Variants in CUX1 observed in about 807,000 individuals in gnomAD.
CUX1 encodes the protein cut like homeobox 1.
Under a neutral mutation model 158.8 loss-of-function variants are expected in CUX1, and 31 were observed. The ratio of observed to expected loss-of-function variants is 0.20; its 90% CI spans 0.15 to 0.26. The LOEUF is 0.26. Among genes scored for constraint, CUX1 ranks in the 10% least tolerant of loss-of-function variants. CUX1 has a pLI of 1.00. For missense variants in CUX1, 1,589 were observed against 2,014.6 expected (o/e 0.79, Z 4.04); for synonymous variants, 879 against 862.1 (o/e 1.02, Z -0.34).
chr7:102,117,380 A>AGAGC (rs1405367445), intron 8 of CUX1, among the ~76,000 whole-genome samples: 1 of 129,968 alleles, frequency 7.7e-6, no homozygotes, highest in African/African-American at 3.0e-5. Context: ...CCTGGGCTAC[A>AGAGC]GAGCCAGACT....
chr7:102,097,715 T>C (rs572081545), intron 5 of CUX1, among the ~76,000 whole-genome samples: 1 of 148,886 alleles, frequency 6.7e-6, no homozygotes, highest in African/African-American at 2.5e-5. Flanking sequence ...AACAACGACG[T>C]AAGATTTTAT....
rs148183153 is a variant in CUX1 at position 102,239,346 on chromosome 7, G to A, written c.3649G>A (p.Val1217Ile). The A allele has an allele frequency of 6.5e-5, 105 of 1,610,728 alleles. No homozygotes were observed. In the African/African-American group the frequency reaches 1.2e-3, roughly 18 times the overall value. Residue 1217 changes from valine (V) to isoleucine (I), a missense_variant, in exon 23 of 24, where the codon GTC becomes ATC. By Grantham distance (29) the Val-to-Ile change is conservative (BLOSUM62 3). Around this residue, in one of 8 missense-constraint regions of CUX1, gnomAD observed 259 missense variants for 373.8 expected, o/e 0.69. Coordinates refer to ENST00000292535, the MANE Select transcript of CUX1 (RefSeq NM_181552.4). ...CTACATGAAGCGGCGGCACAGCTCAGTCAGTGACAGCCAGCCCTGCGAACC... is the reference window on the plus strand; with the variant it reads ...CTACATGAAGCGGCGGCACAGCTCAATCAGTGACAGCCAGCCCTGCGAACC... Reference protein sequence around the residue: ...KAYMKRRHSSVSDSQPCEPPS... With the variant: ...KAYMKRRHSSISDSQPCEPPS...
chr7:101,944,538 C>G (rs1808139817), intron 2 of CUX1, among the ~76,000 whole-genome samples: 1 of 152,222 alleles, frequency 6.6e-6, no homozygotes, highest in East Asian at 1.9e-4. Context: ...CCTTCTGCCC[C>G]TCTCACTTCA....
At chr7:102,034,062 C>T (rs906869397) in intron 3 of CUX1, among the ~76,000 whole-genome samples, 1 of 143,832 alleles carries the variant, frequency 7.0e-6, no homozygotes, top group African/African-American at 2.6e-5. Flanking sequence ...AGGAGAATCG[C>T]TTAAACCCAG....
intron 3 of CUX1, among the ~76,000 whole-genome samples, chr7:102,028,591 C>A (rs1409846436): frequency 6.6e-6 from 1 of 152,180 alleles, no homozygotes; most frequent in African/African-American, 2.4e-5. Context: ...GCTTGAAACA[C>A]AGAGCATCTA....
At chr7:102,095,467 T>C (rs1480552538) in intron 4 of CUX1, among the ~76,000 whole-genome samples, 1 of 152,180 alleles carries the variant, frequency 6.6e-6, no homozygotes, top group Non-Finnish European at 1.5e-5. Flanking sequence ...ATGGACTGTG[T>C]TGCTGTGAAA....
At chr7:102,076,457 C>A (rs1339858148) in intron 4 of CUX1, among the ~76,000 whole-genome samples, 2 of 152,098 alleles carry the variant, frequency 1.3e-5, no homozygotes, top group African/African-American at 4.8e-5. Context: ...CCCTCATGGT[C>A]CTCATGTACC....
At chr7:101,856,005 A>C (rs1003376074) in intron 1 of CUX1, among the ~76,000 whole-genome samples, 1 of 151,806 alleles carries the variant, frequency 6.6e-6, no homozygotes, top group Admixed American at 6.6e-5. Flanking sequence ...CATAGCAAGA[A>C]CCCGTCTGTA....
intron 20 of CUX1, among the ~76,000 whole-genome samples, chr7:102,218,017 T>C (rs377559436): frequency 6.6e-6 from 1 of 152,316 alleles, no homozygotes. Context: ...GAGGAGCTCA[T>C]GGTTGACTTC....
At chr7:102,203,544 G>T (rs1317996335) in intron 18 of CUX1, among the ~76,000 whole-genome samples, 1 of 152,222 alleles carries the variant, frequency 6.6e-6, no homozygotes, top group East Asian at 1.9e-4. Flanking sequence ...CTAGTTCAGT[G>T]TTGTAAAAAT....
intron 2 of CUX1, among the ~76,000 whole-genome samples, chr7:101,990,417 C>G (rs554252663): frequency 6.6e-6 from 1 of 151,670 alleles, no homozygotes; most frequent in Admixed American, 6.6e-5. Context: ...TGGAATCTCA[C>G]CCAGGCTGGA....
At chr7:102,034,077 C>T (rs1419411700) in intron 3 of CUX1, among the ~76,000 whole-genome samples, 4 of 122,736 alleles carry the variant, frequency 3.3e-5, no homozygotes, top group South Asian at 5.6e-4. Context: ...ACCCAGCAGG[C>T]GGAGGTTGCG....
At chr7:102,149,962 C>T (rs543692852) in intron 8 of CUX1, among the ~76,000 whole-genome samples, 2 of 152,272 alleles carry the variant, frequency 1.3e-5, no homozygotes, top group South Asian at 4.1e-4. Context: ...TGAAAAATGT[C>T]CCCCCTTAAG....
chr7:101,975,711 G>A (rs547280974), intron 2 of CUX1, among the ~76,000 whole-genome samples: 76 of 152,230 alleles, frequency 5.0e-4, no homozygotes, highest in East Asian at 1.5e-3. Flanking sequence ...CTCAAAACTC[G>A]TCCATCAACA....
intron 3 of CUX1, among the ~76,000 whole-genome samples, chr7:102,059,363 G>A (rs1398339157): frequency 6.6e-6 from 1 of 152,164 alleles, no homozygotes; most frequent in Non-Finnish European, 1.5e-5. Flanking sequence ...ACCGGGTACA[G>A]TGGCTCACAC....
At chr7:101,927,650 C>CA (rs915814126) in intron 2 of CUX1, among the ~76,000 whole-genome samples, 6 of 151,312 alleles carry the variant, frequency 4.0e-5, no homozygotes, top group African/African-American at 7.3e-5. Context: ...ACCCTATCTT[C>CA]AAAAAAAACA....
At chr7:102,072,492 A>G (rs553179985) in intron 4 of CUX1, among the ~76,000 whole-genome samples, 3 of 152,370 alleles carry the variant, frequency 2.0e-5, no homozygotes, top group Non-Finnish European at 2.9e-5. Flanking sequence ...GTTGGTTGCA[A>G]CCAATCAGAG....
At position 101,944,617 on chromosome 7, in the gene CUX1, C is replaced by T. The variant is rs1355899592; in HGVS notation, c.141+28392C>T. The stretch of plus-strand genomic sequence containing the variant: ...CATTTCTCAAATCAAACCCAGGAGC[C>T]GGAATTTTTCTACTGAGCTCCTGCT... On this transcript the variant is annotated intron_variant, in intron 2 of 23. Coordinates refer to ENST00000292535, the MANE Select transcript of CUX1 (RefSeq NM_181552.4). Among the ~76,000 whole-genome samples the T allele has an allele frequency of 4.6e-5, 7 of 152,274 alleles. No individual in the cohort carries two copies. In the South Asian group the frequency reaches 1.2e-3, roughly 27 times the overall value.
chr7:102,053,802 CT>C (rs750818355), intron 3 of CUX1, among the ~76,000 whole-genome samples: 5,818 of 119,834 alleles, frequency 0.049, 325 homozygotes, highest in African/African-American at 0.18. Context: ...TGTCTTCTCA[CT>C]TTTTTTTTTT....
Sources: allele counts gnomAD v4.1 joint callset (sites outside exome capture counted in the v4.1 genomes callset), GRCh38; gene constraint gnomAD v4.1.1; regional missense constraint gnomAD v4.1.1; transcripts MANE v1.5; gene names NCBI Gene and HGNC (gene_info 2026-07-23, HGNC 2026-07-21).